NCAM2: variants seen among roughly 807,000 people sequenced by gnomAD.
NCAM2 encodes the protein N-CAM-2.
NCAM2 carries 30 observed loss-of-function variants against 98.1 expected under a neutral mutation model. That is an observed-to-expected ratio of 0.31 (90% CI 0.23 to 0.41). The LOEUF (loss-of-function observed/expected upper bound fraction) is 0.41, where lower values mean the gene tolerates loss of function less well. Ranked by LOEUF, NCAM2 falls within the 10% of genes least tolerant of loss-of-function variation. The probability of loss-of-function intolerance (pLI) is 1.00; values close to 1 mark genes in which losing one functional copy is unlikely to be tolerated. For synonymous variants in NCAM2, 368 were observed against 342.4 expected (o/e 1.07, Z -0.83); for missense variants, 867 against 1,005.8 (o/e 0.86, Z 1.87).
chr21:21,098,114 A>C (rs79144095), intron 1 of NCAM2, among the ~76,000 whole-genome samples: 7,294 of 150,138 alleles, frequency 0.049, 559 homozygotes, highest in African/African-American at 0.16. Context: ...TATGGAATTT[A>C]GTTTTACAAA....
At chr21:21,225,799 A>G (rs915692562) in intron 1 of NCAM2, among the ~76,000 whole-genome samples, 1 of 152,128 alleles carries the variant, frequency 6.6e-6, no homozygotes, top group African/African-American at 2.4e-5. Flanking sequence ...AACACACCAA[A>G]GAATTAATGA....
chr21:21,160,381 G>A (rs1204304240), intron 1 of NCAM2, among the ~76,000 whole-genome samples: 1 of 151,798 alleles, frequency 6.6e-6, no homozygotes, highest in Non-Finnish European at 1.5e-5. Context: ...GCCATTGCAG[G>A]CAAGAATTTT....
At position 21,338,407 on chromosome 21, in the gene NCAM2, A is replaced by G. The variant is rs1403806570; in HGVS notation, c.917A>G (p.Gln306Arg). Residue 306 changes from glutamine to arginine, a missense_variant, in exon 8 of 18, where the codon CAG becomes CGG. By Grantham distance (43) the Gln-to-Arg change is conservative. Transcript: ENST00000400546. ...LQVFVQPHII[Q>R]LKNETTYENG... ...TTTACAGTACAGCCTCACATAATAC[A>G]GCTTAAAAATGAAACTACATATGAG... 2 of 1,611,572 alleles carry G rather than the reference A, an allele frequency of 1.2e-6. No individual in the cohort carries two copies. The highest frequency in any genetic ancestry group is 1.7e-6 in the Non-Finnish European group (2 of 1,178,124).
intron 16 of NCAM2, among the ~76,000 whole-genome samples, chr21:21,527,570 A>T (rs1344756473): frequency 6.6e-6 from 1 of 152,182 alleles, no homozygotes; most frequent in Non-Finnish European, 1.5e-5. Context: ...CTAATTAAAG[A>T]ACATATACAA....
intron 1 of NCAM2, among the ~76,000 whole-genome samples, chr21:21,157,932 G>T (rs563189164): frequency 1.1e-4 from 17 of 152,220 alleles, no homozygotes; most frequent in Non-Finnish European, 2.2e-4. Flanking sequence ...TAATACAAAA[G>T]ATGTTTGTAT....
chr21:21,084,322 A>G (rs1401855964), intron 1 of NCAM2, among the ~76,000 whole-genome samples: 1 of 152,170 alleles, frequency 6.6e-6, no homozygotes, highest in African/African-American at 2.4e-5. Flanking sequence ...ATAACTGGTG[A>G]TAAGTTCTAA....
At chr21:21,425,071 C>T (rs1005594877) in intron 11 of NCAM2, among the ~76,000 whole-genome samples, 2 of 102,980 alleles carry the variant, frequency 1.9e-5, no homozygotes, top group African/African-American at 6.6e-5. Context: ...AAAAAAAATT[C>T]ATCATGTTTA....
intron 1 of NCAM2, among the ~76,000 whole-genome samples, chr21:21,182,320 C>T (rs778135863): frequency 6.6e-6 from 1 of 152,072 alleles, no homozygotes; most frequent in African/African-American, 2.4e-5. Flanking sequence ...TCCTCATTGG[C>T]ACATCTCACA....
At chr21:21,454,511 T>C (rs888848988) in intron 12 of NCAM2, among the ~76,000 whole-genome samples, 1 of 152,064 alleles carries the variant, frequency 6.6e-6, no homozygotes. Flanking sequence ...GCAACTCATA[T>C]ATGACTGTGT....
At chr21:21,294,812 GTTT>G (rs75992452) in intron 5 of NCAM2, among the ~76,000 whole-genome samples, 4,414 of 147,392 alleles carry the variant, frequency 0.03, 202 homozygotes, top group African/African-American at 0.1. Flanking sequence ...AAATATCGAG[GTTT>G]TTTTTTTTGA....
Position 21,399,063 on chromosome 21 carries a change from G to A in NCAM2, c.1196-11211G>A, listed in dbSNP as rs1309966384. 1.3e-5 allele frequency among the ~76,000 whole-genome samples: 2 copies of A among 152,220 alleles called. 1 individual carries two copies. Among genetic ancestry groups the A allele is most frequent in the South Asian group, 4.2e-4 (2 of 4,812 alleles). ...GGATTAGGATCAAGAGGTGACCAAG[G>A]GTGGCAGACATCTGAGTGTCAGTGA... On this transcript the variant is annotated intron_variant, in intron 9 of 17. Transcript: ENST00000400546.
chr21:21,485,113 G>C (rs1399021614), intron 15 of NCAM2, among the ~76,000 whole-genome samples: 1 of 151,972 alleles, frequency 6.6e-6, no homozygotes, highest in Non-Finnish European at 1.5e-5. Context: ...TATTTTATTA[G>C]ATGTGTATCC....
chr21:21,070,427 C>T (rs933238481), intron 1 of NCAM2, among the ~76,000 whole-genome samples: 17 of 151,866 alleles, frequency 1.1e-4, no homozygotes, highest in African/African-American at 3.9e-4. Flanking sequence ...ACTAATATAA[C>T]AAACAGAAAC....
At chr21:21,321,519 T>A (rs2074374047) in intron 5 of NCAM2, among the ~76,000 whole-genome samples, 1 of 152,146 alleles carries the variant, frequency 6.6e-6, no homozygotes. Flanking sequence ...TGTCCTAAGT[T>A]TTTTTTATAT....
chr21:21,204,439 C>A (rs911421729), intron 1 of NCAM2, among the ~76,000 whole-genome samples: 2 of 152,002 alleles, frequency 1.3e-5, no homozygotes, highest in African/African-American at 2.4e-5. Flanking sequence ...GTTTTTAAAT[C>A]AATTTGACAA....
intron 15 of NCAM2, among the ~76,000 whole-genome samples, chr21:21,508,020 C>T (rs896743111): frequency 6.6e-6 from 1 of 152,138 alleles, no homozygotes; most frequent in African/African-American, 2.4e-5. Flanking sequence ...ATCTTCATTA[C>T]TACTTGCTCC....
intron 16 of NCAM2, among the ~76,000 whole-genome samples, chr21:21,521,063 GT>G (rs1203134744): frequency 6.6e-6 from 1 of 152,138 alleles, no homozygotes; most frequent in Non-Finnish European, 1.5e-5. Flanking sequence ...AGAAGAAACT[GT>G]TTAACCAGAG....
rs554081281 is a variant in NCAM2 at position 21,494,531 on chromosome 21, GCAAA to G, written c.2078-14314_2078-14311del. ...CAATACAAACACTAGTTGTTTTATAGCAAACAAACTGCATCCATCAAAGTCAACC... is the reference window on the plus strand; with the variant it reads ...CAATACAAACACTAGTTGTTTTATAGCAAACTGCATCCATCAAAGTCAACC... On this transcript the variant is annotated intron_variant, in intron 15 of 17. Transcript: ENST00000400546. 1.1e-3 allele frequency among the ~76,000 whole-genome samples: 173 copies of G among 151,896 alleles called. 1 individual carries two copies. Among genetic ancestry groups the G allele is most frequent in the Non-Finnish European group, 2.2e-3 (151 of 67,820 alleles).
chr21:21,462,344 TA>T (rs1429286558), intron 12 of NCAM2, among the ~76,000 whole-genome samples: 1 of 152,040 alleles, frequency 6.6e-6, no homozygotes, highest in East Asian at 1.9e-4. Flanking sequence ...AGAACATGAA[TA>T]AAAATAATCT....
Sources: gnomAD v4.1 joint callset for allele counts (sites outside exome capture counted in the v4.1 genomes callset) on GRCh38, gnomAD v4.1.1 for gene constraint, MANE v1.5 for transcripts, NCBI Gene and HGNC (gene_info 2026-07-23, HGNC 2026-07-21) for gene names.